MAP3K6: variants seen among roughly 807,000 people sequenced by gnomAD.
MAP3K6 encodes mitogen-activated protein kinase kinase kinase 6, also known as apoptosis signal-regulating kinase 2.
MAP3K6 carries 105 observed loss-of-function variants against 147.1 expected under a neutral mutation model. The ratio of observed to expected loss-of-function variants is 0.71; its 90% confidence interval spans 0.61 to 0.84. The LOEUF is 0.84. Among genes scored for constraint, MAP3K6 ranks in the 40% least tolerant of loss-of-function variants. MAP3K6 has a pLI of 0.00. For synonymous variants in MAP3K6, 695 were observed against 732.4 expected (o/e 0.95, Z 0.82); for missense variants, 1,569 against 1,715.0 (o/e 0.91, Z 1.50).
rs1571071575 is a variant in MAP3K6, at chr1:27,361,510, G to T, written c.1686+10C>A. 1.2e-6 allele frequency: 2 copies of T among 1,613,914 alleles called. No individual in the cohort carries two copies. Among genetic ancestry groups the T allele is most frequent in the East Asian group, 4.5e-5 (2 of 44,892 alleles). ...CAAAGGTGAGTGAGGGGCCTCAGCA[G>T]CGACTTCACCTGGGTCTCAGGCTCC... On this transcript the variant is annotated intron_variant, in intron 11 of 28. Transcript: ENST00000357582.
rs370344078 is a variant in MAP3K6, at chr1:27,362,714, T to C, written c.1182A>G (p.Ser394=). The C allele has an allele frequency of 6.8e-5, 109 of 1,611,212 alleles. No individual in the cohort carries two copies. Among genetic ancestry groups the C allele is most frequent in the Middle Eastern group, 4.9e-4 (3 of 6,082 alleles). The change falls in exon 8 of 29, where the codon TCA becomes TCG. Residue 394 remains serine, a synonymous_variant. Transcript: ENST00000357582. ...TGAGGAGCACAGCTGCATTGATGCCTGAGTGAAGGCTGGGCTCTACGTCAA... is the reference window on the plus strand; with the variant it reads ...TGAGGAGCACAGCTGCATTGATGCCCGAGTGAAGGCTGGGCTCTACGTCAA... The part of the protein sequence containing the change: ...KAFDVEPSLH[S]GINAAVLLIA...
Position 27,362,766 on chromosome 1 carries a change from T to C in MAP3K6, c.1143-13A>G. Reference sequence around the variant, plus strand: ...AGCCTTGCGATACCTGGGGTGGGGGTAGGGGGCACAGGGCTGGACTGATGC... The same window carrying C: ...AGCCTTGCGATACCTGGGGTGGGGGCAGGGGGCACAGGGCTGGACTGATGC... On this transcript the variant is annotated splice_polypyrimidine_tract_variant and intron_variant, in intron 7 of 28. Coordinates refer to ENST00000357582, the MANE Select transcript of MAP3K6 (RefSeq NM_004672.5). The C allele has an allele frequency of 6.2e-7, 1 of 1,612,304 alleles. No homozygotes were observed. Among genetic ancestry groups the C allele is most frequent in the Non-Finnish European group, 8.5e-7 (1 of 1,178,972 alleles).
chr1:27,356,403 C>G lies in MAP3K6; in HGVS notation c.3622G>C (p.Ala1208Pro). 6.2e-7 allele frequency: 1 copy of G among 1,610,110 alleles called. No homozygotes were observed. The highest frequency in any genetic ancestry group is 8.5e-7 in the Non-Finnish European group (1 of 1,178,298). Reference sequence around the variant, plus strand: ...GCCCACTCACTTGGAGGCTCTGGGGCCAGGACATAGGTCCGGGCTTCCTCA... The same window carrying G: ...GCCCACTCACTTGGAGGCTCTGGGGGCAGGACATAGGTCCGGGCTTCCTCA... ...LNEEARTYVL[A>P]PEPPTALSTD... is the part of the protein sequence containing the mutation. The change falls in exon 26 of 29, where the codon GCC becomes CCC. Residue 1208 changes from alanine (A) to proline (P), a missense_variant. Physicochemically the swap from Ala to Pro is conservative, Grantham distance 27. Transcript: ENST00000357582.
chr1:27,365,421 G>T (rs866115290), intron 1 of MAP3K6, among the ~76,000 whole-genome samples: 1 of 152,164 alleles, frequency 6.6e-6, no homozygotes, highest in Non-Finnish European at 1.5e-5. Flanking sequence ...ACATGTATGC[G>T]ATTTGTGTCT....
rs1030541355 is a variant in MAP3K6 at position 27,360,822 on chromosome 1, G to A, written c.1937C>T (p.Thr646Met). Reference sequence around the variant, plus strand: ...CAGCACCAGCCGCTCGCCCGTCTCCGTGTACTCATAATCAAACTGCCGGGC... The same window carrying A: ...CAGCACCAGCCGCTCGCCCGTCTCCATGTACTCATAATCAAACTGCCGGGC... ...GEMLEFDYEY[T>M]ETGERLVLGK... The change falls in exon 15 of 29, where the codon ACG becomes ATG. Residue 646 changes from threonine to methionine, a missense_variant. By Grantham distance (81) the Thr-to-Met change is moderately conservative (BLOSUM62 -1). Coordinates refer to ENST00000357582, the MANE Select transcript of MAP3K6 (RefSeq NM_004672.5). The surrounding 1 kb of genome is among the most constrained non-coding windows in gnomAD (Gnocchi z 4.5). 2 of 1,612,852 alleles carry A rather than the reference G, an allele frequency of 1.2e-6. No individual in the cohort carries two copies. The highest frequency in any genetic ancestry group is 1.7e-6 in the Non-Finnish European group (2 of 1,179,866).
rs1487434738 is a variant in MAP3K6, at chr1:27,357,790, C to T, written c.3002G>A (p.Arg1001Gln). ...LSLLHQESKR[R>Q]AMLAAVLEQE... is the part of the protein sequence containing the mutation. ...CTCCAATACTGCGGCCAGCATGGCC[C>T]GACGCTTGCTCTCCTGGTGCAGCAG... is the stretch of plus-strand genomic sequence containing the variant. The change falls in exon 22 of 29, where the codon CGG (arginine) becomes CAG (glutamine). Residue 1001 changes from arginine (R) to glutamine (Q), a missense_variant. Arg to Gln is a conservative substitution (Grantham distance 43). Transcript: ENST00000357582. 6.2e-7 allele frequency: 1 copy of T among 1,609,078 alleles called. No homozygotes were observed. Among genetic ancestry groups the T allele is most frequent in the Admixed American group, 1.7e-5 (1 of 59,630 alleles).
chr1:27,358,762 T>A lies in MAP3K6; in HGVS notation c.2530A>T (p.Thr844Ser), dbSNP rs750663560. The change falls in exon 19 of 29, where the codon ACA becomes TCA. Residue 844 changes from threonine to serine, a missense_variant. Physicochemically the swap from Thr to Ser is moderately conservative, Grantham distance 58 (BLOSUM62 1). Coordinates refer to ENST00000357582, the MANE Select transcript of MAP3K6 (RefSeq NM_004672.5). This position sits in a 1 kb window ranked among gnomAD's most constrained non-coding sequence, Gnocchi z 6.2. ...AGCTCGTGGAAGGGGGGGCGACCTG[T>A]GGCCATCTCAATGACAGTGCAGCCC... The part of the protein sequence containing the change: ...SLGCTVIEMA[T>S]GRPPFHELGS... 4 of 1,614,012 alleles carry A rather than the reference T, an allele frequency of 2.5e-6. No homozygotes were observed. Among genetic ancestry groups the A allele is most frequent in the Non-Finnish European group, 3.4e-6 (4 of 1,179,968 alleles).
chr1:27,366,696 C>CGGAATCGG lies in MAP3K6; in HGVS notation c.-107_-100dup. The CGGAATCGG allele has an allele frequency of 1.1e-6, 1 of 913,200 alleles. No homozygotes were observed. Among genetic ancestry groups the CGGAATCGG allele is most frequent in the Non-Finnish European group, 1.3e-6 (1 of 761,064 alleles). The allele number at this position is 913,200 out of a possible 1,614,324, so 56.6% of individuals were successfully genotyped here. A position where few individuals can be genotyped will look rare whatever the true frequency, so the allele number is the denominator to read the frequency against. On this transcript the variant is annotated 5_prime_UTR_variant, in exon 1 of 29. Transcript: ENST00000357582. The surrounding 1 kb of genome is among the most constrained non-coding windows in gnomAD (Gnocchi z 5.5). ...GGAATCTTGGGATCTGGAATCCGTT[C>CGGAATCGG]GGAATCGGAGAATCTCCCACGGGAT...
chr1:27,365,928 G>C (rs2015961579), intron 1 of MAP3K6, among the ~76,000 whole-genome samples: 1 of 145,604 alleles, frequency 6.9e-6, no homozygotes, highest in Non-Finnish European at 1.5e-5. Context: ...GCCCCGCGCC[G>C]CTCCCCGCCC....
chr1:27,360,927 CA>C lies in MAP3K6; in HGVS notation c.1913del (p.Met638SerfsTer68). On this transcript the variant is annotated frameshift_variant, in exon 14 of 29. Coordinates refer to ENST00000357582, the MANE Select transcript of MAP3K6 (RefSeq NM_004672.5). LOFTEE classifies it high-confidence loss of function. The surrounding 1 kb of genome is among the most constrained non-coding windows in gnomAD (Gnocchi z 4.5). ...CCCAGTCCCGCGTCCTCACCTCCAA[CA>C]TCTCCCCCGCGCCCTCCGCCTCCTC... ...PAEEAEGAGE[M>X]LEFDYEYTET... 6.2e-7 allele frequency: 1 copy of C among 1,608,630 alleles called. No homozygotes were observed. The highest frequency in any genetic ancestry group is 8.5e-7 in the Non-Finnish European group (1 of 1,177,444).
In MAP3K6 at chr1:27,361,603, C is replaced by T. The variant is rs201907883; in HGVS notation, c.1603G>A (p.Val535Met). 82 of 1,614,074 alleles carry T rather than the reference C, an allele frequency of 5.1e-5. No homozygotes were observed. Among genetic ancestry groups the T allele is most frequent in the Non-Finnish European group, 6.7e-5 (79 of 1,180,054 alleles). ...CLVLVLEMNK[V>M]LLPAKLEVRG... ...ACCTCGAGCTTTGCAGGCAGCAGCA[C>T]CTTGTTCATCTCCAGGACCAGCACC... is the stretch of plus-strand genomic sequence containing the variant. Residue 535 changes from valine to methionine, a missense_variant, in exon 11 of 29, where the codon GTG (valine) becomes ATG (methionine). Physicochemically the swap from Val to Met is conservative, Grantham distance 21. Transcript: ENST00000357582.
rs528844460 is a variant in MAP3K6 at position 27,360,469 on chromosome 1, A to G, written c.2055-101T>C. On this transcript the variant is annotated intron_variant, in intron 15 of 28. Transcript: ENST00000357582. The surrounding 1 kb of genome is among the most constrained non-coding windows in gnomAD (Gnocchi z 4.5). ...CCCGCCCCAAGGACCCGCCCCGCCCACAAGCCCTCTCCGACCTTCCCCACC... is the reference window on the plus strand; with the variant it reads ...CCCGCCCCAAGGACCCGCCCCGCCCGCAAGCCCTCTCCGACCTTCCCCACC... The G allele has an allele frequency of 1.6e-4, 96 of 603,178 alleles. No homozygotes were observed. In the East Asian group the frequency reaches 0.011, roughly 69 times the overall value. 37.4% of individuals were successfully genotyped at this position (603,178 alleles called of 1,614,324 possible).
Position 27,364,239 on chromosome 1 carries a change from A to C in MAP3K6, c.660T>G (p.Leu220=). The stretch of plus-strand genomic sequence containing the variant: ...TGGGTGTGGCCTCCAGCAGGCGGGC[A>C]AGCCGGCCCACCAGGGGAGTGAGCA... ...EALLTPLVGR[L]ARLLEATPTD... Residue 220 remains leucine (L), a synonymous_variant, in exon 4 of 29, where the codon CTT becomes CTG. Transcript: ENST00000357582. The surrounding 1 kb of genome is among the most constrained non-coding windows in gnomAD (Gnocchi z 4.4). 6.2e-7 allele frequency: 1 copy of C among 1,613,000 alleles called. No individual in the cohort carries two copies. The highest frequency in any genetic ancestry group is 8.5e-7 in the Non-Finnish European group (1 of 1,179,944).
intron 12 of MAP3K6, 38 bp downstream of exon 12, chr1:27,361,308 C>T (rs558592005): frequency 6.2e-7 from 1 of 1,613,826 alleles, no homozygotes; most frequent in African/African-American, 1.3e-5. Context: ...CGACCCTCAC[C>T]TCCCGTCTTT....
chr1:27,366,168 G>A lies in MAP3K6; in HGVS notation c.340+90C>T. 1 of 1,209,068 alleles carries A rather than the reference G, an allele frequency of 8.3e-7. No individual in the cohort carries two copies. Among genetic ancestry groups the A allele is most frequent in the East Asian group, 3.2e-5 (1 of 30,996 alleles). The allele number at this position is 1,209,068 out of a possible 1,614,324, so 74.9% of individuals were successfully genotyped here. A position where few individuals can be genotyped will look rare whatever the true frequency, so the allele number is the denominator to read the frequency against. The stretch of plus-strand genomic sequence containing the variant: ...GTCCCCTAGACCCGGTACCCCTCTC[G>A]GCCCCTCCCTTGAGCCTTCGAGCCC... On this transcript the variant is annotated intron_variant, in intron 1 of 28. Transcript: ENST00000357582. The surrounding 1 kb of genome is among the most constrained non-coding windows in gnomAD (Gnocchi z 5.5).
chr1:27,360,538 C>T lies in MAP3K6; in HGVS notation c.2054+167G>A, dbSNP rs1291616697. ...GGACCCTCCAGACCTCAATCCCGCC[C>T]GCACGGTCCTGGCTGTTCCGCCCAC... On this transcript the variant is annotated intron_variant, in intron 15 of 28. Transcript: ENST00000357582. The surrounding 1 kb of genome is among the most constrained non-coding windows in gnomAD (Gnocchi z 4.5). 2.0e-5 allele frequency among the ~76,000 whole-genome samples: 3 copies of T among 151,872 alleles called. No individual in the cohort carries two copies. Among genetic ancestry groups the T allele is most frequent in the Admixed American group, 6.6e-5 (1 of 15,262 alleles).
At chr1:27,356,893 AC>A in intron 24 of MAP3K6, 115 bp downstream of exon 24, 1 of 1,406,902 alleles carries the variant, frequency 7.1e-7, no homozygotes, top group East Asian at 2.5e-5. Flanking sequence ...TCACGCCCCC[AC>A]CGGCGCCTGC....
At chr1:27,356,984 G>A in intron 24 of MAP3K6, 25 bp downstream of exon 24, 2 of 1,605,546 alleles carry the variant, frequency 1.2e-6, no homozygotes, top group Non-Finnish European at 1.7e-6. Flanking sequence ...TCGCTGGCAG[G>A]AGGCCCGTGG....
chr1:27,360,566 G>T lies in MAP3K6; in HGVS notation c.2054+139C>A. On this transcript the variant is annotated intron_variant, in intron 15 of 28. Transcript: ENST00000357582. This position sits in a 1 kb window ranked among gnomAD's most constrained non-coding sequence, Gnocchi z 4.5. The stretch of plus-strand genomic sequence containing the variant: ...ACGGTCCTGGCTGTTCCGCCCACGG[G>T]CCCAGTCCACAGGGCTCGAACTCTC... The T allele has an allele frequency of 7.1e-7, 1 of 1,407,594 alleles. No homozygotes were observed. Among genetic ancestry groups the T allele is most frequent in the Non-Finnish European group, 9.4e-7 (1 of 1,061,348 alleles). The allele number at this position is 1,407,594 out of a possible 1,614,324, so 87.2% of individuals were successfully genotyped here.
Sources: gnomAD v4.1 joint callset for allele counts (sites outside exome capture counted in the v4.1 genomes callset) on GRCh38, gnomAD v4.1.1 for gene constraint, Gnocchi (gnomAD v3.1) non-coding constraint, MANE v1.5 for transcripts, NCBI Gene and HGNC (gene_info 2026-07-23, HGNC 2026-07-21) for gene names.